PPP1R1C: variants seen among roughly 807,000 people sequenced by gnomAD.
The protein encoded by PPP1R1C is protein phosphatase 1 regulatory subunit 1C.
A neutral mutation model predicts 17.4 loss-of-function variants in PPP1R1C; 15 were observed. The observed-to-expected ratio is 0.86, with a 90% CI of 0.58 to 1.33. The LOEUF is 1.33. PPP1R1C is among the 40% of genes most tolerant of loss of function. The pLI is 0.00. For missense variants in PPP1R1C, 143 were observed against 130.0 expected (o/e 1.10, Z -0.48); for synonymous variants, 35 against 43.1 (o/e 0.81, Z 0.73).
At position 182,068,922 on chromosome 2, in the gene PPP1R1C, C is replaced by G. The variant is rs3731691; in HGVS notation, c.241+5131C>G. ...GTTCACTCTTCCTGATTTCAAATCT[C>G]CTTAAAATTATGACTCAAAAAAACT... On this transcript the variant is annotated intron_variant, in intron 4 of 4. Transcript: ENST00000682840. Among the ~76,000 whole-genome samples the G allele has an allele frequency of 9.7e-4, 148 of 152,230 alleles. 3 individuals carry two copies. The East Asian group carries it at 0.025, about 26-fold the overall frequency.
chr2:181,984,907 T>C (rs1000531002), upstream of PPP1R1C, among the ~76,000 whole-genome samples: 1 of 152,220 alleles, frequency 6.6e-6, no homozygotes, highest in Non-Finnish European at 1.5e-5. Context: ...CATCTGGCTA[T>C]GTTACTACCT....
intron 2 of PPP1R1C, among the ~76,000 whole-genome samples, chr2:182,004,848 G>A (rs1023225000): frequency 2.0e-5 from 3 of 152,202 alleles, no homozygotes; most frequent in Admixed American, 6.5e-5. Flanking sequence ...CAAAATTGGA[G>A]GTGGTGATAA....
At chr2:182,077,324 C>A (rs1010034560) in intron 4 of PPP1R1C, among the ~76,000 whole-genome samples, 1 of 152,086 alleles carries the variant, frequency 6.6e-6, no homozygotes, top group Non-Finnish European at 1.5e-5. Flanking sequence ...AACGCCTGAT[C>A]GTCTTAATTT....
At chr2:181,978,190 T>G (rs572318784) in intron 2 of PPP1R1C, among the ~76,000 whole-genome samples, 10 of 152,118 alleles carry the variant, frequency 6.6e-5, no homozygotes, top group Non-Finnish European at 8.8e-5. Flanking sequence ...GCAAAACCAC[T>G]CCCATGATTC....
rs1574426589 is a variant in PPP1R1C at position 182,070,355 on chromosome 2, A to T, written c.241+6564A>T. On this transcript the variant is annotated intron_variant, in intron 4 of 4. Coordinates refer to ENST00000682840, the MANE Select transcript of PPP1R1C (RefSeq NM_001080545.3). Reference sequence around the variant, plus strand: ...CACAAAGAACTTTGCTGCCATGCAAAGACTAAATAGGTCTCATTAATGGGA... The same window carrying T: ...CACAAAGAACTTTGCTGCCATGCAATGACTAAATAGGTCTCATTAATGGGA... Among the ~76,000 whole-genome samples the T allele has an allele frequency of 3.9e-5, 6 of 152,370 alleles. No homozygotes were observed. The Middle Eastern group carries it at 0.017, about 432-fold the overall frequency.
upstream of PPP1R1C, among the ~76,000 whole-genome samples, chr2:181,982,397 T>G (rs1481291227): frequency 1.3e-5 from 2 of 152,192 alleles, no homozygotes; most frequent in Non-Finnish European, 2.9e-5. Context: ...TTGATAGTAT[T>G]AGATAAAGCC....
intron 2 of PPP1R1C, among the ~76,000 whole-genome samples, chr2:182,053,775 T>G (rs977898282): frequency 6.6e-6 from 1 of 151,396 alleles, no homozygotes; most frequent in African/African-American, 2.4e-5. Flanking sequence ...ATTTATTTAT[T>G]TATTTTATTT....
chr2:182,073,177 T>TAAATCCATTCTTAG (rs758459076), intron 4 of PPP1R1C, among the ~76,000 whole-genome samples: 181 of 152,376 alleles, frequency 1.2e-3, no homozygotes, highest in Non-Finnish European at 1.8e-3. Context: ...TTAGCTGTGC[T>TAAATCCATTCTTAG]TCTTTGAGAC....
chr2:182,014,816 G>A (rs980632713), intron 2 of PPP1R1C, among the ~76,000 whole-genome samples: 20 of 150,812 alleles, frequency 1.3e-4, no homozygotes, highest in Non-Finnish European at 2.5e-4. Context: ...GACTCTCTTT[G>A]TGGCTACCAC....
intron 4 of PPP1R1C, among the ~76,000 whole-genome samples, chr2:182,095,141 A>G (rs10178573): frequency 6.6e-6 from 1 of 151,772 alleles, no homozygotes; most frequent in East Asian, 1.9e-4. Flanking sequence ...ATACAAAAAA[A>G]AGAAAAAATC....
intron 4 of PPP1R1C, among the ~76,000 whole-genome samples, chr2:182,089,976 T>C (rs1688735720): frequency 6.6e-6 from 1 of 152,086 alleles, no homozygotes; most frequent in South Asian, 2.1e-4. Context: ...ATTATCTTTT[T>C]ATACTTACAT....
In PPP1R1C at chr2:181,972,504, AAC is replaced by A. The variant is rs1491518417; in HGVS notation, n.112-2711_112-2710del. Among the ~76,000 whole-genome samples, 39 of 152,272 alleles carry A rather than the reference AAC, an allele frequency of 2.6e-4. No individual in the cohort carries two copies. In the South Asian group the frequency reaches 5.0e-3, roughly 19 times the overall value. ...TTACTTTTTAATAGGACAAAAAAAA[AAC>A]ACAATACATCAACAAAGTCCAGAGG... On this transcript the variant is annotated intron_variant and non_coding_transcript_variant, in intron 1 of 5. Transcript: ENST00000464264.
Position 182,063,748 on chromosome 2 carries a change from T to C in PPP1R1C, c.198T>C (p.Pro66=). ...CTCCACAGTTACAGAATGCATCCCC[T>C]AAGCAAAGGAAGCAGAGTGTGTACA... ...NTQGELQNAS[P]KQRKQSVYTP... is the part of the protein sequence containing the mutation. The change falls in exon 4 of 5, where the codon CCT becomes CCC. Residue 66 remains proline (P), a synonymous_variant. Transcript: ENST00000682840. 6.2e-7 allele frequency: 1 copy of C among 1,612,826 alleles called. No homozygotes were observed. Among genetic ancestry groups the C allele is most frequent in the East Asian group, 2.2e-5 (1 of 44,864 alleles).
chr2:181,996,389 A>G (rs938359524), intron 2 of PPP1R1C, among the ~76,000 whole-genome samples: 2 of 152,132 alleles, frequency 1.3e-5, no homozygotes, highest in African/African-American at 4.8e-5. Context: ...TGCCCTCTCC[A>G]TACTCATTTC....
At chr2:182,074,186 C>T (rs1478624147) in intron 4 of PPP1R1C, among the ~76,000 whole-genome samples, 10 of 151,802 alleles carry the variant, frequency 6.6e-5, no homozygotes, top group Non-Finnish European at 1.2e-4. Context: ...GGACTACAGG[C>T]GCCCGCCATC....
intron 3 of PPP1R1C, 81 bp downstream of exon 3, chr2:182,061,560 A>C: frequency 1.4e-6 from 1 of 729,078 alleles, no homozygotes; most frequent in Non-Finnish European, 2.1e-6. Flanking sequence ...ATGTGATATA[A>C]ATAATGATAC....
At chr2:182,000,177 A>T (rs192584995) in intron 2 of PPP1R1C, among the ~76,000 whole-genome samples, 1 of 152,280 alleles carries the variant, frequency 6.6e-6, no homozygotes, top group Admixed American at 6.5e-5. Context: ...AGTCATTGTG[A>T]TGGTGGCCTT....
intron 2 of PPP1R1C, among the ~76,000 whole-genome samples, chr2:182,012,511 G>C (rs1686115419): frequency 1.3e-5 from 2 of 151,960 alleles, no homozygotes; most frequent in South Asian, 2.1e-4. Context: ...TATAGGTGAA[G>C]TGTGTTTCTT....
chr2:182,102,555 GA>G (rs1689128536), intron 4 of PPP1R1C, among the ~76,000 whole-genome samples: 1 of 151,996 alleles, frequency 6.6e-6, no homozygotes, highest in African/African-American at 2.4e-5. Flanking sequence ...ATTACTTTGG[GA>G]AAAAAATTGA....
Sources: gnomAD v4.1 joint callset for allele counts (sites outside exome capture counted in the v4.1 genomes callset) on GRCh38, gnomAD v4.1.1 for gene constraint, MANE v1.5 for transcripts, NCBI Gene and HGNC (gene_info 2026-07-23, HGNC 2026-07-21) for gene names.